The following PPARGC1B variants were observed in gnomAD, a reference collection of about 807,000 sequenced individuals.
PPARGC1B encodes the protein peroxisome proliferator-activated receptor gamma coactivator 1-beta.
PPARGC1B carries 34 observed loss-of-function variants against 101.6 expected under a neutral mutation model. The ratio of observed to expected loss-of-function variants is 0.33; its 90% CI spans 0.25 to 0.45. The LOEUF (loss-of-function observed/expected upper bound fraction) is 0.45. PPARGC1B is among the 20% of genes least tolerant of loss of function. The pLI, the probability that PPARGC1B is intolerant of heterozygous loss-of-function variation, is 1.00. For synonymous variants in PPARGC1B, 548 were observed against 539.3 expected (o/e 1.02, Z -0.22); for missense variants, 1,234 against 1,317.6 (o/e 0.94, Z 0.98).
At chr5:149,855,175 T>A (rs1419351975), downstream of PPARGC1B, among the ~76,000 whole-genome samples, 1 of 152,118 alleles carries the variant, frequency 6.6e-6, no homozygotes, top group African/African-American at 2.4e-5. Flanking sequence ...CACTTCTCCC[T>A]CCTTCAGAGC....
chr5:149,830,805 A>G lies in PPARGC1B; in HGVS notation c.504A>G (p.Ser168=). ...TCCTGGCCACATCCTACCCAACATC[A>G]AGCTCTGACACCCAGAAGGAAGGGA... ...KLLLATSYPT[S]SSDTQKEGTA... The change falls in exon 4 of 12, where the codon TCA becomes TCG. Residue 168 remains serine, a synonymous_variant. Transcript: ENST00000309241. 2 of 1,613,952 alleles carry G rather than the reference A, an allele frequency of 1.2e-6. No individual in the cohort carries two copies. Among genetic ancestry groups the G allele is most frequent in the Non-Finnish European group, 1.7e-6 (2 of 1,179,946 alleles).
rs1273013509 is a variant in PPARGC1B at position 149,851,378 on chromosome 5, T to C, written c.*3820T>C. ...CAGGTATAGAGTTCAGTTAATCCCA[T>C]TTGAGCCTGCAGCTTAAGAGATGGC... is the stretch of plus-strand genomic sequence containing the variant. On this transcript the variant is annotated 3_prime_UTR_variant, in exon 12 of 12. Transcript: ENST00000309241. The C allele has an allele frequency of 6.6e-6, 1 of 152,166 alleles. No homozygotes were observed. Among genetic ancestry groups the C allele is most frequent in the Non-Finnish European group, 1.5e-5 (1 of 68,020 alleles). 9.4% of individuals were successfully genotyped at this position (152,166 alleles called of 1,614,324 possible). A position where few individuals can be genotyped will look rare whatever the true frequency, so the allele number is the denominator to read the frequency against.
chr5:149,757,396 C>T (rs568298609), intron 1 of PPARGC1B, among the ~76,000 whole-genome samples: 6 of 151,922 alleles, frequency 3.9e-5, no homozygotes, highest in South Asian at 4.2e-4. Flanking sequence ...AATCAGTGCA[C>T]GCCCTGCCTG....
At chr5:149,756,222 G>A (rs1402045725) in intron 1 of PPARGC1B, among the ~76,000 whole-genome samples, 1 of 152,170 alleles carries the variant, frequency 6.6e-6, no homozygotes, top group Non-Finnish European at 1.5e-5. Flanking sequence ...AGCACTTTGA[G>A]AGGCCGGGAC....
At chr5:149,808,945 T>C (rs1336586193) in intron 1 of PPARGC1B, among the ~76,000 whole-genome samples, 1 of 152,050 alleles carries the variant, frequency 6.6e-6, no homozygotes, top group Non-Finnish European at 1.5e-5. Context: ...CATAGCAATG[T>C]GGGTGTACTT....
intron 6 of PPARGC1B, among the ~76,000 whole-genome samples, chr5:149,834,952 G>A (rs571175658): frequency 6.6e-6 from 1 of 152,296 alleles, no homozygotes; most frequent in East Asian, 1.9e-4. Context: ...GTCCTCTTGG[G>A]GGCCCTGAAA....
At chr5:149,749,228 C>T (rs576410899) in intron 1 of PPARGC1B, among the ~76,000 whole-genome samples, 7 of 152,260 alleles carry the variant, frequency 4.6e-5, no homozygotes, top group Non-Finnish European at 7.4e-5. Flanking sequence ...TCCTATTTAC[C>T]GTTATACCTG....
At position 149,833,631 on chromosome 5, in the gene PPARGC1B, C is replaced by A; in HGVS notation, c.1558C>A (p.Arg520=). The part of the protein sequence containing the change: ...CLAPKAYDVE[R]ELGSPTDEDS... ...GGCTCCCAAGGCCTACGACGTAGAG[C>A]GGGAGCTGGGCAGCCCCACGGACGA... Residue 520 remains arginine (R), a synonymous_variant, in exon 5 of 12, where the codon CGG becomes AGG. Coordinates refer to ENST00000309241, the MANE Select transcript of PPARGC1B (RefSeq NM_133263.4). This position sits in a 1 kb window ranked among gnomAD's most constrained non-coding sequence, Gnocchi z 4.1. 1 of 1,609,532 alleles carries A rather than the reference C, an allele frequency of 6.2e-7. No homozygotes were observed. The highest frequency in any genetic ancestry group is 2.2e-5 in the East Asian group (1 of 44,658).
chr5:149,735,583 A>G (rs576053023), intron 1 of PPARGC1B, among the ~76,000 whole-genome samples: 8 of 152,244 alleles, frequency 5.3e-5, no homozygotes, highest in Admixed American at 2.6e-4. Context: ...GCACTACTAC[A>G]TTTCATTCTC....
At chr5:149,756,981 TG>T (rs1297187025) in intron 1 of PPARGC1B, among the ~76,000 whole-genome samples, 1 of 152,192 alleles carries the variant, frequency 6.6e-6, no homozygotes, top group African/African-American at 2.4e-5. Flanking sequence ...TGCTTGGACC[TG>T]GGGATACAGC....
rs113535439 is a variant in PPARGC1B, at chr5:149,766,142, A to T, written c.78+35722A>T. On this transcript the variant is annotated intron_variant, in intron 1 of 11. Coordinates refer to ENST00000309241, the MANE Select transcript of PPARGC1B (RefSeq NM_133263.4). The stretch of plus-strand genomic sequence containing the variant: ...TGATGTTGCCACCTTGTGGCAGCCT[A>T]CTCAAATTGCAGGTTTAGTGTTTTT... Among the ~76,000 whole-genome samples the T allele has an allele frequency of 1.6e-3, 237 of 152,318 alleles. 2 individuals are homozygous for T. The highest frequency in any genetic ancestry group is 5.5e-3 in the African/African-American group (227 of 41,564).
At chr5:149,755,134 C>T (rs968103034) in intron 1 of PPARGC1B, among the ~76,000 whole-genome samples, 37 of 149,934 alleles carry the variant, frequency 2.5e-4, no homozygotes, top group Non-Finnish European at 4.6e-4. Context: ...GTCTCAAACT[C>T]CTAACCTCAA....
At chr5:149,790,376 C>G (rs1042379006) in intron 1 of PPARGC1B, among the ~76,000 whole-genome samples, 1 of 152,092 alleles carries the variant, frequency 6.6e-6, no homozygotes, top group Non-Finnish European at 1.5e-5. Context: ...ATCAGGCTCA[C>G]TTAATCTCCC....
intron 1 of PPARGC1B, chr5:149,772,134 G>A (rs750433327): frequency 6.2e-7 from 1 of 1,603,336 alleles, no homozygotes; most frequent in East Asian, 2.2e-5. Context: ...CGCCACCAGA[G>A]CAATGGTAGG....
At chr5:149,816,689 T>C (rs1758066608) in intron 1 of PPARGC1B, among the ~76,000 whole-genome samples, 1 of 152,168 alleles carries the variant, frequency 6.6e-6, no homozygotes, top group Admixed American at 6.5e-5. Flanking sequence ...AGGTGGCTGC[T>C]CTGAGTTACT....
rs1759068264 is a variant in PPARGC1B at position 149,836,246 on chromosome 5, T to C, written c.1808-17T>C. 1.3e-6 allele frequency: 2 copies of C among 1,529,706 alleles called. No individual in the cohort carries two copies. Among genetic ancestry groups the C allele is most frequent in the Non-Finnish European group, 8.8e-7 (1 of 1,138,626 alleles). The allele number at this position is 1,529,706 out of a possible 1,614,324, so 94.8% of individuals were successfully genotyped here. A position where few individuals can be genotyped will look rare whatever the true frequency, so the allele number is the denominator to read the frequency against. On this transcript the variant is annotated splice_polypyrimidine_tract_variant and intron_variant, in intron 7 of 11. Transcript: ENST00000309241. ...GTGATCTGTCTTTATCTTACCTTTC[T>C]CCTCTTCCTCGGGCAGGACTCACCC...
chr5:149,805,854 T>A (rs1292918803), intron 1 of PPARGC1B, among the ~76,000 whole-genome samples: 1 of 152,274 alleles, frequency 6.6e-6, no homozygotes, highest in Non-Finnish European at 1.5e-5. Flanking sequence ...AACTCTTTCA[T>A]AATTCCTCCC....
chr5:149,832,820 G>A lies in PPARGC1B; in HGVS notation c.747G>A (p.Glu249=). 5 of 1,611,396 alleles carry A rather than the reference G, an allele frequency of 3.1e-6. No homozygotes were observed. Among genetic ancestry groups the A allele is most frequent in the African/African-American group, 1.3e-5 (1 of 75,010 alleles). Residue 249 remains glutamate (E), a synonymous_variant, in exon 5 of 12, where the codon GAG becomes GAA. Transcript: ENST00000309241. This position sits in a 1 kb window ranked among gnomAD's most constrained non-coding sequence, Gnocchi z 4.9. ...SPRLPAKEDK[E]PGEDCPSPQP... ...GGCTCCCTGCCAAGGAGGACAAGGA[G>A]CCGGGTGAGGACTGCCCGAGCCCCC... is the stretch of plus-strand genomic sequence containing the variant.
intron 1 of PPARGC1B, among the ~76,000 whole-genome samples, chr5:149,782,669 G>A (rs1367015058): frequency 6.6e-6 from 1 of 152,216 alleles, no homozygotes; most frequent in Non-Finnish European, 1.5e-5. Context: ...GGGGAGGCTG[G>A]GTAGGGGCAG....
Sources: gnomAD v4.1 joint callset for allele counts (sites outside exome capture counted in the v4.1 genomes callset) on GRCh38, gnomAD v4.1.1 for gene constraint, Gnocchi (gnomAD v3.1) non-coding constraint, MANE v1.5 for transcripts, NCBI Gene and HGNC (gene_info 2026-07-23, HGNC 2026-07-21) for gene names.